The following CEP89 variants were observed in gnomAD, a reference collection of about 807,000 sequenced individuals.
The protein encoded by CEP89 is centrosomal protein 89.
Under a neutral mutation model 97.6 loss-of-function variants are expected in CEP89, and 95 were observed. The ratio of observed to expected loss-of-function variants is 0.97; its 90% CI spans 0.82 to 1.15. The LOEUF (loss-of-function observed/expected upper bound fraction) is 1.15, where lower values mean the gene tolerates loss of function less well. Ranked by LOEUF, CEP89 falls within the 50% of genes most tolerant of loss-of-function variation. The pLI, the probability that CEP89 is intolerant of heterozygous loss-of-function variation, is 0.00. For synonymous variants in CEP89, 354 were observed against 349.1 expected, an observed-to-expected ratio of 1.01 and a Z score of -0.16; for missense variants, 869 against 947.7, an observed-to-expected ratio of 0.92 and a Z score of 1.09.
At chr19:32,955,412 T>C (rs1971025544) in intron 3 of CEP89, among the ~76,000 whole-genome samples, 1 of 152,232 alleles carries the variant, frequency 6.6e-6, no homozygotes, top group Admixed American at 6.5e-5. Flanking sequence ...TCACTTTCCA[T>C]TGTTGTAGAT....
At chr19:32,932,759 T>C (rs1179432855) in intron 8 of CEP89, among the ~76,000 whole-genome samples, 1 of 150,014 alleles carries the variant, frequency 6.7e-6, no homozygotes, top group African/African-American at 2.5e-5. Context: ...GGCAACACAA[T>C]GAGGCCTCAC....
chr19:32,958,733 G>A (rs1432971587), intron 3 of CEP89, among the ~76,000 whole-genome samples: 1 of 145,354 alleles, frequency 6.9e-6, no homozygotes, highest in Non-Finnish European at 1.5e-5. Flanking sequence ...AAAGGCAAAT[G>A]TGGCCAGGCA....
At chr19:32,921,061 TA>T (rs950712214) in intron 12 of CEP89, among the ~76,000 whole-genome samples, 272 of 142,824 alleles carry the variant, frequency 1.9e-3, no homozygotes, top group African/African-American at 5.7e-3. Flanking sequence ...CTACTAAAAA[TA>T]AAAAAAAAAA....
intron 15 of CEP89, 141 bp downstream of exon 15, chr19:32,901,104 C>A (rs7253310): frequency 0.38 from 294,815 of 768,012 alleles, 58,608 homozygotes; most frequent in Non-Finnish European, 0.41. Flanking sequence ...CCAGGCTGGT[C>A]TTGAACTTCT....
rs1187363081 is a variant in CEP89 at position 32,918,343 on chromosome 19, C to T, written c.1269-4G>A. On this transcript the variant is annotated splice_region_variant and splice_polypyrimidine_tract_variant and intron_variant, in intron 12 of 18. Coordinates refer to ENST00000305768, the MANE Select transcript of CEP89 (RefSeq NM_032816.5). ...TGCTTGAGTCTGAAGCTGACGCCTG[C>T]AATTGATTTACAAGATGAAATACTG... 3 of 1,602,520 alleles carry T rather than the reference C, an allele frequency of 1.9e-6. No individual in the cohort carries two copies. Among genetic ancestry groups the T allele is most frequent in the South Asian group, 2.2e-5 (2 of 90,830 alleles).
chr19:32,943,827 A>AAT (rs1826797949), intron 5 of CEP89, among the ~76,000 whole-genome samples: 2 of 152,084 alleles, frequency 1.3e-5, no homozygotes, highest in South Asian at 4.2e-4. Flanking sequence ...GTGGGACACC[A>AAT]TGGAAGAGAT....
Position 32,901,264 on chromosome 19 carries a change from G to C in CEP89, c.1714C>G (p.Arg572Gly). ...QNKALEAELE[R>G]AQKINRKSQK... The stretch of plus-strand genomic sequence containing the variant: ...ACAAACCTATTGATTTTCTGTGCTC[G>C]TTCAAGTTCGGCTTCCAGTGCTTTG... The change falls in exon 15 of 19, where the codon CGA (arginine) becomes GGA (glycine). Residue 572 changes from arginine to glycine, a missense_variant. Arg to Gly is a moderately radical substitution (Grantham distance 125, BLOSUM62 -2). Transcript: ENST00000305768. 1.2e-6 allele frequency: 2 copies of C among 1,611,218 alleles called. No homozygotes were observed. Among genetic ancestry groups the C allele is most frequent in the Non-Finnish European group, 1.7e-6 (2 of 1,179,350 alleles).
chr19:32,914,099 T>C (rs1448990923), intron 14 of CEP89, among the ~76,000 whole-genome samples: 3 of 152,106 alleles, frequency 2.0e-5, no homozygotes, highest in Non-Finnish European at 2.9e-5. Context: ...GTCCAGGAGT[T>C]TGAGACCAGA....
intron 4 of CEP89, 145 bp downstream of exon 4, chr19:32,953,470 G>A (rs1970968485): frequency 1.6e-6 from 1 of 612,178 alleles, no homozygotes; most frequent in East Asian, 2.5e-5. Flanking sequence ...ATAGAAATGA[G>A]GCTGGACACG....
intron 4 of CEP89, among the ~76,000 whole-genome samples, chr19:32,951,983 T>C (rs1970930105): frequency 6.6e-6 from 1 of 152,100 alleles, no homozygotes; most frequent in Non-Finnish European, 1.5e-5. Context: ...TGAGGAGCAG[T>C]GGGACTGATT....
intron 1 of CEP89, among the ~76,000 whole-genome samples, chr19:32,968,635 G>T (rs1434261704): frequency 6.6e-6 from 1 of 151,662 alleles, no homozygotes; most frequent in Non-Finnish European, 1.5e-5. Flanking sequence ...TTTTTTTAAA[G>T]AGTGAATCCC....
intron 11 of CEP89, among the ~76,000 whole-genome samples, chr19:32,923,979 G>T (rs1350102173): frequency 6.7e-6 from 1 of 149,942 alleles, no homozygotes; most frequent in Non-Finnish European, 1.5e-5. Flanking sequence ...GAAGGGGTTA[G>T]TTAGTGTGGG....
chr19:32,947,514 G>A (rs1970821894), intron 5 of CEP89, among the ~76,000 whole-genome samples: 1 of 151,318 alleles, frequency 6.6e-6, no homozygotes, highest in African/African-American at 2.4e-5. Flanking sequence ...TTTTTGAGAT[G>A]GGGTTTCACT....
At chr19:32,961,637 C>A (rs964232826) in intron 2 of CEP89, among the ~76,000 whole-genome samples, 7 of 146,496 alleles carry the variant, frequency 4.8e-5, no homozygotes, top group African/African-American at 1.5e-4. Context: ...CACCATTTTT[C>A]ATATTTTGGT....
chr19:32,915,812 A>G (rs1034381555), intron 13 of CEP89, among the ~76,000 whole-genome samples: 1 of 151,456 alleles, frequency 6.6e-6, no homozygotes, highest in Non-Finnish European at 1.5e-5. Flanking sequence ...CCAGCTATTC[A>G]GGAGGCTGAG....
chr19:32,917,192 C>T (rs1970144739), intron 13 of CEP89, among the ~76,000 whole-genome samples: 1 of 152,112 alleles, frequency 6.6e-6, no homozygotes, highest in African/African-American at 2.4e-5. Context: ...AAATAGGAAA[C>T]TAATGTCATC....
chr19:32,945,663 C>CTT (rs1325194108), intron 5 of CEP89, among the ~76,000 whole-genome samples: 1 of 152,064 alleles, frequency 6.6e-6, no homozygotes, highest in East Asian at 1.9e-4. Flanking sequence ...GCATTAATTT[C>CTT]TTTTTTTAAT....
At chr19:32,890,853 C>T (rs1244534240) in intron 16 of CEP89, among the ~76,000 whole-genome samples, 2 of 152,152 alleles carry the variant, frequency 1.3e-5, no homozygotes, top group Non-Finnish European at 2.9e-5. Flanking sequence ...GTAGCTGCAG[C>T]ACAGTGGCAT....
Position 32,915,437 on chromosome 19 carries a change from G to A in CEP89, c.1465C>T (p.Gln489Ter). The A allele has an allele frequency of 1.2e-6, 2 of 1,613,878 alleles. No homozygotes were observed. The highest frequency in any genetic ancestry group is 8.5e-7 in the Non-Finnish European group (1 of 1,179,964). The change falls in exon 14 of 19, where the codon CAG becomes TAG. Residue 489 changes from glutamine to a stop codon, truncating the protein, a stop_gained. Coordinates refer to ENST00000305768, the MANE Select transcript of CEP89 (RefSeq NM_032816.5). LOFTEE classifies it high-confidence loss of function. The part of the protein sequence containing the change: ...QEKELAENRE[Q>*]LEILRAKCQE... The stretch of plus-strand genomic sequence containing the variant: ...CATTTGGCACGTAAAATCTCCAGCT[G>A]TTCCCTGTTCTCCGCCAGCTCCTTT...
Sources: allele counts gnomAD v4.1 joint callset (sites outside exome capture counted in the v4.1 genomes callset), GRCh38; gene constraint gnomAD v4.1.1; transcripts MANE v1.5; gene names NCBI Gene and HGNC (gene_info 2026-07-23, HGNC 2026-07-21).